The following P4HA2 variants were observed in gnomAD, a reference collection of about 807,000 sequenced individuals.
P4HA2 encodes prolyl 4-hydroxylase subunit alpha-2.
A neutral mutation model predicts 76.9 loss-of-function variants in P4HA2; 46 were observed. The ratio of observed to expected loss-of-function variants is 0.60; its 90% CI spans 0.47 to 0.76. The LOEUF (loss-of-function observed/expected upper bound fraction) is 0.76, where lower values mean the gene tolerates loss of function less well. Ranked by LOEUF, P4HA2 falls within the 30% of genes least tolerant of loss-of-function variation. P4HA2 has a pLI of 0.00. For missense variants in P4HA2, 583 were observed against 669.4 expected (o/e 0.87, Z 1.42); for synonymous variants, 243 against 254.0 (o/e 0.96, Z 0.41).
chr5:132,223,387 T>C (rs138718191), intron 1 of P4HA2, among the ~76,000 whole-genome samples: 4,299 of 152,296 alleles, frequency 0.028, 190 homozygotes, highest in African/African-American at 0.098. Flanking sequence ...CTCAGCCTCC[T>C]GAGTAGCTTG....
In P4HA2 at chr5:132,190,417, G is replaced by A. The variant is rs76679353; in HGVS notation, c.*2593C>T. ...AATGGAAGCCACTAGAGGGAGATTA[G>A]ACGGCAGTAGATAGCAATTGCCCTA... On this transcript the variant is annotated 3_prime_UTR_variant, in exon 15 of 15. Coordinates refer to ENST00000360568, the MANE Select transcript of P4HA2 (RefSeq NM_001017974.2). Among the ~76,000 whole-genome samples, 283 of 152,306 alleles carry A rather than the reference G, an allele frequency of 1.9e-3. No homozygotes were observed. The highest frequency in any genetic ancestry group is 6.0e-3 in the African/African-American group (249 of 41,568).
Position 132,192,865 on chromosome 5 carries a change from G to C in P4HA2, c.*145C>G, listed in dbSNP as rs202213483. ...CTGGGACTTCAGTCACACAGGAGTC[G>C]CCCTAGTATGGTCTCCCTCTGCTCC... is the stretch of plus-strand genomic sequence containing the variant. On this transcript the variant is annotated 3_prime_UTR_variant, in exon 15 of 15. Transcript: ENST00000360568. 4 of 623,270 alleles carry C rather than the reference G, an allele frequency of 6.4e-6. No individual in the cohort carries two copies. The Admixed American group carries it at 1.0e-4, about 16-fold the overall frequency. The allele number at this position is 623,270 out of a possible 1,614,324, so 38.6% of individuals were successfully genotyped here. A position where few individuals can be genotyped will look rare whatever the true frequency, so the allele number is the denominator to read the frequency against.
At chr5:132,209,114 C>A in intron 7 of P4HA2, 24 bp downstream of exon 7, 1 of 1,587,082 alleles carries the variant, frequency 6.3e-7, no homozygotes, top group Non-Finnish European at 8.6e-7. Flanking sequence ...AGCTTTGGCA[C>A]CCTAGCCCCC....
At chr5:132,213,378 G>A (rs1279506610) in intron 5 of P4HA2, among the ~76,000 whole-genome samples, 1 of 151,758 alleles carries the variant, frequency 6.6e-6, no homozygotes, top group Non-Finnish European at 1.5e-5. Flanking sequence ...CTAACCAGGA[G>A]GGGAGAAGAG....
chr5:132,218,898 C>T (rs2126624700), intron 1 of P4HA2, among the ~76,000 whole-genome samples: 1 of 152,344 alleles, frequency 6.6e-6, no homozygotes, highest in Non-Finnish European at 1.5e-5. Context: ...CAACTCCCAG[C>T]AACCACCTGT....
At chr5:132,213,589 T>C (rs558851447) in intron 5 of P4HA2, among the ~76,000 whole-genome samples, 44 of 151,912 alleles carry the variant, frequency 2.9e-4, no homozygotes, top group African/African-American at 7.0e-4. Flanking sequence ...TGAAAAGACA[T>C]TGGAGGGTGG....
In P4HA2 at chr5:132,225,716, C is replaced by T. The variant is rs367752752; in HGVS notation, c.-19+2074G>A. 3.9e-5 allele frequency among the ~76,000 whole-genome samples: 6 copies of T among 152,344 alleles called. No individual in the cohort carries two copies. In the East Asian group the frequency reaches 5.8e-4, roughly 15 times the overall value. Reference sequence around the variant, plus strand: ...AGGCAGAAGGCACTCAAGGGATGAACTGAGATCAGCTGGGGCCAGTCTAAA... The same window carrying T: ...AGGCAGAAGGCACTCAAGGGATGAATTGAGATCAGCTGGGGCCAGTCTAAA... On this transcript the variant is annotated intron_variant, in intron 1 of 14. Transcript: ENST00000360568.
At chr5:132,220,222 G>A (rs1183913852) in intron 1 of P4HA2, among the ~76,000 whole-genome samples, 2 of 152,238 alleles carry the variant, frequency 1.3e-5, no homozygotes, top group East Asian at 3.9e-4. Context: ...TTACTATACT[G>A]TCTTCTCTAT....
rs567788559 is a variant in P4HA2 at position 132,213,340 on chromosome 5, C to G, written c.469+576G>C. Among the ~76,000 whole-genome samples the G allele has an allele frequency of 5.9e-5, 9 of 152,206 alleles. No homozygotes were observed. In the East Asian group the frequency reaches 1.4e-3, roughly 23 times the overall value. On this transcript the variant is annotated intron_variant, in intron 5 of 14. Coordinates refer to ENST00000360568, the MANE Select transcript of P4HA2 (RefSeq NM_001017974.2). ...AGTATATGGGAACCAGGAAAATGGA[C>G]AGAGTGTAGATTACTCTATCCAGTA... is the stretch of plus-strand genomic sequence containing the variant.
chr5:132,215,939 A>ATCACGAGG (rs1357463959), intron 4 of P4HA2, among the ~76,000 whole-genome samples: 1 of 150,278 alleles, frequency 6.7e-6, no homozygotes, highest in Non-Finnish European at 1.5e-5. Context: ...AGATGGGTGG[A>ATCACGAGG]TCACGAGGTC....
intron 10 of P4HA2, chr5:132,200,510 TG>T (rs1269399697): frequency 6.5e-6 from 1 of 154,640 alleles, no homozygotes; most frequent in Non-Finnish European, 1.5e-5. Flanking sequence ...TATCTCTTTT[TG>T]TAGTCAAGAG....
intron 8 of P4HA2, among the ~76,000 whole-genome samples, chr5:132,206,355 C>T (rs528679252): frequency 6.6e-6 from 1 of 152,224 alleles, no homozygotes; most frequent in East Asian, 1.9e-4. Flanking sequence ...TCAGCCACAT[C>T]GATGATGCCA....
At chr5:132,210,831 G>A (rs1345417108) in intron 5 of P4HA2, among the ~76,000 whole-genome samples, 1 of 152,182 alleles carries the variant, frequency 6.6e-6, no homozygotes, top group African/African-American at 2.4e-5. Flanking sequence ...ACAGTGGGAA[G>A]GTCCTGTGGA....
intron 1 of P4HA2, among the ~76,000 whole-genome samples, chr5:132,223,024 C>G (rs993332011): frequency 2.0e-5 from 3 of 152,230 alleles, no homozygotes; most frequent in African/African-American, 7.2e-5. Context: ...ACCTTGCAAC[C>G]TCTTGGTCTC....
intron 5 of P4HA2, among the ~76,000 whole-genome samples, chr5:132,212,200 A>G (rs1252613104): frequency 6.6e-6 from 1 of 152,222 alleles, no homozygotes; most frequent in African/African-American, 2.4e-5. Flanking sequence ...AAATGGAGTC[A>G]TGCAGGACCC....
chr5:132,213,559 A>C (rs1753398162), intron 5 of P4HA2, among the ~76,000 whole-genome samples: 1 of 152,196 alleles, frequency 6.6e-6, no homozygotes. Flanking sequence ...GGGGGATAGT[A>C]AGCCCAGATC....
At chr5:132,206,764 T>G (rs974591298) in intron 8 of P4HA2, among the ~76,000 whole-genome samples, 3 of 152,132 alleles carry the variant, frequency 2.0e-5, no homozygotes, top group Non-Finnish European at 4.4e-5. Flanking sequence ...GTAATTATGC[T>G]CTAGAAGTTC....
chr5:132,204,059 A>G (rs1751861668), intron 9 of P4HA2, 23 bp downstream of exon 9: 3 of 1,592,292 alleles, frequency 1.9e-6, no homozygotes, highest in Non-Finnish European at 2.6e-6. Flanking sequence ...TTGAGCAGCT[A>G]CGAACCCCTG....
Position 132,191,108 on chromosome 5 carries a change from GA to G in P4HA2, c.*1901del, listed in dbSNP as rs1749872256. The stretch of plus-strand genomic sequence containing the variant: ...CTTCTTGCTGTGTGTTCGCATGGCA[GA>G]AAGAGGGCTGGGATCTCTTCATAAG... On this transcript the variant is annotated 3_prime_UTR_variant, in exon 15 of 15. Transcript: ENST00000360568. Among the ~76,000 whole-genome samples, 1 of 152,234 alleles carries G rather than the reference GA, an allele frequency of 6.6e-6. No individual in the cohort carries two copies. The highest frequency in any genetic ancestry group is 2.4e-5 in the African/African-American group (1 of 41,474).
Sources: gnomAD v4.1 joint callset for allele counts (sites outside exome capture counted in the v4.1 genomes callset) on GRCh38, gnomAD v4.1.1 for gene constraint, MANE v1.5 for transcripts, NCBI Gene and HGNC (gene_info 2026-07-23, HGNC 2026-07-21) for gene names.